Variants in ARMC3 observed in about 807,000 individuals in gnomAD.
The protein encoded by ARMC3 is armadillo repeat-containing protein 3.
ARMC3 carries 74 observed loss-of-function variants against 90.3 expected under a neutral mutation model. The ratio of observed to expected loss-of-function variants is 0.82; its 90% CI spans 0.68 to 0.99. ARMC3 has a LOEUF of 0.99. ARMC3 is among the 50% of genes least tolerant of loss of function. ARMC3 has a pLI of 0.00. For synonymous variants in ARMC3, 334 were observed against 361.8 expected (o/e 0.92, Z 0.87); for missense variants, 958 against 1,042.8 (o/e 0.92, Z 1.12).
At chr10:23,001,202 C>T (rs1258437686) in intron 11 of ARMC3, among the ~76,000 whole-genome samples, 1 of 152,182 alleles carries the variant, frequency 6.6e-6, no homozygotes, top group Non-Finnish European at 1.5e-5. Flanking sequence ...GTGTTAACTT[C>T]CTATTGCCAC....
intron 8 of ARMC3, among the ~76,000 whole-genome samples, chr10:22,979,786 G>GT (rs971799749): frequency 6.6e-6 from 1 of 152,148 alleles, no homozygotes; most frequent in Non-Finnish European, 1.5e-5. Context: ...ATGAAAAAAA[G>GT]TTATGGCCTG....
intron 4 of ARMC3, 48 bp downstream of exon 4, chr10:22,955,980 T>C: frequency 2.0e-6 from 3 of 1,463,894 alleles, no homozygotes; most frequent in Non-Finnish European, 2.8e-6. Context: ...TGTTAATGCA[T>C]TATCATTCTT....
rs145651660 is a variant in ARMC3 at position 22,991,603 on chromosome 10, G to A, written c.1176-6545G>A. On this transcript the variant is annotated intron_variant, in intron 10 of 18. Coordinates refer to ENST00000298032, the MANE Select transcript of ARMC3 (RefSeq NM_173081.5). ...AGTCAGGGAGGCCAGCAGTACACAA[G>A]TAATTTTAAAATGGTAATTGCAGAA... Among the ~76,000 whole-genome samples, 19 of 152,242 alleles carry A rather than the reference G, an allele frequency of 1.2e-4. 1 individual carries two copies. The highest frequency in any genetic ancestry group is 3.4e-3 in the Middle Eastern group (1 of 294).
chr10:23,006,892 C>T lies in ARMC3; in HGVS notation c.1740C>T (p.Pro580=), dbSNP rs746932676. ...CTTAAATTATCTCACAGATAAATCC[C>T]GGCACCAAACTGTTGCCTTTGAAGG... is the stretch of plus-strand genomic sequence containing the variant. ...DGFYDYGRIN[P]GTKLLPLKEL... The change falls in exon 14 of 19, where the codon CCC becomes CCT. Residue 580 remains proline, a synonymous_variant. Coordinates refer to ENST00000298032, the MANE Select transcript of ARMC3 (RefSeq NM_173081.5). 57 of 1,613,936 alleles carry T rather than the reference C, an allele frequency of 3.5e-5. 1 individual carries two copies. Among genetic ancestry groups the T allele is most frequent in the Admixed American group, 3.3e-4 (20 of 60,020 alleles).
intron 8 of ARMC3, among the ~76,000 whole-genome samples, chr10:22,978,045 T>C (rs11013222): frequency 0.032 from 4,882 of 152,294 alleles, 244 homozygotes; most frequent in African/African-American, 0.11. Flanking sequence ...ATCTTTGTCA[T>C]TGCCTAATTA....
chr10:22,999,033 G>C (rs1272762186), intron 11 of ARMC3, among the ~76,000 whole-genome samples: 1 of 152,218 alleles, frequency 6.6e-6, no homozygotes, highest in African/African-American at 2.4e-5. Context: ...GGAACACCTA[G>C]GGGTTCGGTG....
At chr10:22,991,916 A>G (rs755153242) in intron 10 of ARMC3, among the ~76,000 whole-genome samples, 52 of 152,222 alleles carry the variant, frequency 3.4e-4, no homozygotes, top group Non-Finnish European at 7.3e-4. Context: ...CAGATATGTA[A>G]ATACGCTGAT....
intron 16 of ARMC3, among the ~76,000 whole-genome samples, chr10:23,016,021 T>G (rs1838255549): frequency 6.6e-6 from 1 of 152,024 alleles, no homozygotes; most frequent in African/African-American, 2.4e-5. Context: ...ACTCACACAA[T>G]CAGACACTAC....
At chr10:22,933,419 T>A (rs894427924) in intron 2 of ARMC3, among the ~76,000 whole-genome samples, 1 of 152,194 alleles carries the variant, frequency 6.6e-6, no homozygotes, top group Non-Finnish European at 1.5e-5. Context: ...TTTCTATAAC[T>A]TCATAATGTC....
chr10:22,968,575 C>A, intron 8 of ARMC3, 86 bp downstream of exon 8: 1 of 1,255,322 alleles, frequency 8.0e-7, no homozygotes, highest in Non-Finnish European at 1.1e-6. Flanking sequence ...TCACAGCTCA[C>A]TGCAGCCTCA....
At chr10:23,010,429 CCCTT>C (rs1837889154) in intron 16 of ARMC3, among the ~76,000 whole-genome samples, 1 of 47,498 alleles carries the variant, frequency 2.1e-5, no homozygotes, top group African/African-American at 6.5e-5. Context: ...CCCACCCCTT[CCCTT>C]CCCTCCCCTC....
At chr10:22,948,528 G>T (rs1834624600) in intron 3 of ARMC3, among the ~76,000 whole-genome samples, 1 of 151,872 alleles carries the variant, frequency 6.6e-6, no homozygotes, top group African/African-American at 2.4e-5. Flanking sequence ...GAATGAAACA[G>T]ACCCAATATG....
At position 23,032,917 on chromosome 10, in the gene ARMC3, G is replaced by T. The variant is rs767404852; in HGVS notation, c.2303G>T (p.Ser768Ile). Residue 768 changes from serine (S) to isoleucine (I), a missense_variant, in exon 18 of 19, where the codon AGC (serine) becomes ATC (isoleucine). Physicochemically the swap from Ser to Ile is moderately radical, Grantham distance 142. Transcript: ENST00000298032. ...KIPKEKLPDF[S>I]WELHISELKF... The stretch of plus-strand genomic sequence containing the variant: ...CCAAAAGAGAAACTACCTGATTTCA[G>T]CTGGGAACTTCACATAAGTGAACTG... 6.2e-7 allele frequency: 1 copy of T among 1,613,050 alleles called. No individual in the cohort carries two copies. The highest frequency in any genetic ancestry group is 2.2e-5 in the East Asian group (1 of 44,726).
chr10:22,959,012 C>G (rs1190191801), intron 4 of ARMC3, 58 bp from the exon 5 acceptor site: 1 of 1,401,712 alleles, frequency 7.1e-7, no homozygotes, highest in African/African-American at 1.4e-5. Flanking sequence ...CATGAGCCAC[C>G]ACACCCGGCC....
At position 22,981,679 on chromosome 10, in the gene ARMC3, C is replaced by T. The variant is rs1442146471; in HGVS notation, c.1154C>T (p.Thr385Ile). The T allele has an allele frequency of 6.2e-7, 1 of 1,613,898 alleles. No individual in the cohort carries two copies. Among genetic ancestry groups the T allele is most frequent in the East Asian group, 2.2e-5 (1 of 44,872 alleles). ...AAALALANLT[T>I]CNPANANAAA... ...GCTCTAGCCCTGGCAAACCTAACCA[C>T]TTGCAACCCTGCTAATGCAAAGTAA... The change falls in exon 10 of 19, where the codon ACT becomes ATT. Residue 385 changes from threonine (T) to isoleucine (I), a missense_variant. Physicochemically the swap from Thr to Ile is moderately conservative, Grantham distance 89. Transcript: ENST00000298032.
At chr10:22,970,289 A>C (rs977060220) in intron 8 of ARMC3, among the ~76,000 whole-genome samples, 1 of 152,230 alleles carries the variant, frequency 6.6e-6, no homozygotes, top group African/African-American at 2.4e-5. Flanking sequence ...GAGAAGGAAC[A>C]GGGTGTATAA....
intron 16 of ARMC3, among the ~76,000 whole-genome samples, chr10:23,024,387 A>G (rs1178352392): frequency 7.0e-6 from 1 of 142,060 alleles, no homozygotes; most frequent in Non-Finnish European, 1.5e-5. Context: ...AGAAAGAGGA[A>G]TGCCACATAG....
intron 7 of ARMC3, among the ~76,000 whole-genome samples, chr10:22,963,891 A>T (rs533613711): frequency 5.2e-4 from 5 of 9,700 alleles, no homozygotes; most frequent in African/African-American, 1.0e-3. Context: ...TCTGTCTCAC[A>T]CACACACACA....
rs1462828960 is a variant in ARMC3 at position 23,008,820 on chromosome 10, A to G, written c.1934A>G (p.Asn645Ser). 3 of 1,610,688 alleles carry G rather than the reference A, an allele frequency of 1.9e-6. No individual in the cohort carries two copies. The highest frequency in any genetic ancestry group is 4.5e-5 in the East Asian group (2 of 44,838). Residue 645 changes from asparagine (N) to serine (S), a missense_variant, in exon 16 of 19, where the codon AAT becomes AGT. Coordinates refer to ENST00000298032, the MANE Select transcript of ARMC3 (RefSeq NM_173081.5). ...RRSSKEKNKK[N>S]SYHFSAGFGS... ...GTTTTTTTTCAAATGACAAGAAAAA[A>G]TAGTTATCATTTTAGTGCTGGATTT...
Sources: allele counts gnomAD v4.1 joint callset (sites outside exome capture counted in the v4.1 genomes callset), GRCh38; gene constraint gnomAD v4.1.1; transcripts MANE v1.5; gene names NCBI Gene and HGNC (gene_info 2026-07-23, HGNC 2026-07-21).